Variants in VDAC1 observed in about 807,000 individuals in gnomAD.
VDAC1 encodes non-selective voltage-gated ion channel VDAC1.
Under a neutral mutation model 34.7 loss-of-function variants are expected in VDAC1, and 10 were observed. The observed-to-expected ratio is 0.29, with a 90% CI of 0.18 to 0.49. The LOEUF (loss-of-function observed/expected upper bound fraction) is 0.49, where lower values mean the gene tolerates loss of function less well. Among genes scored for constraint, VDAC1 ranks in the 20% least tolerant of loss-of-function variants. VDAC1 has a pLI of 0.99. For synonymous variants in VDAC1, 130 were observed against 136.0 expected, an observed-to-expected ratio of 0.96 and a Z score of 0.30; for missense variants, 230 against 347.9, an observed-to-expected ratio of 0.66 and a Z score of 2.69.
At chr5:134,078,932 T>C in the VDAC1 span, among the ~76,000 whole-genome samples, 2 of 151,832 alleles carry the variant, frequency 1.3e-5, no homozygotes, top group Non-Finnish European at 2.9e-5. Context: ...ATTACAGGCG[T>C]GAGCCACTGT....
At chr5:134,083,717 G>T in the VDAC1 span, among the ~76,000 whole-genome samples, 135 of 152,330 alleles carry the variant, frequency 8.9e-4, no homozygotes, top group Non-Finnish European at 1.4e-3. Context: ...GCAACTATGT[G>T]CCAGGCTAGG....
chr5:133,990,564 C>A (rs560200537), intron 5 of VDAC1, among the ~76,000 whole-genome samples: 5 of 152,316 alleles, frequency 3.3e-5, no homozygotes, highest in African/African-American at 1.2e-4. Context: ...ATGGCCTGGG[C>A]ACCCTTAGAT....
intron 7 of VDAC1, among the ~76,000 whole-genome samples, chr5:133,974,950 G>A (rs1177875785): frequency 8.4e-6 from 1 of 119,286 alleles, no homozygotes; most frequent in Non-Finnish European, 1.8e-5. Context: ...GGGAGACTCC[G>A]TCTCAAAAAA....
At chr5:134,059,637 T>A in the VDAC1 span, among the ~76,000 whole-genome samples, 1 of 152,084 alleles carries the variant, frequency 6.6e-6, no homozygotes, top group Admixed American at 6.6e-5. Flanking sequence ...TTGGGCATCC[T>A]TGTCCATGAC....
the VDAC1 span, among the ~76,000 whole-genome samples, chr5:134,036,055 G>A: frequency 6.6e-5 from 10 of 150,716 alleles, no homozygotes; most frequent in African/African-American, 2.4e-4. Context: ...TACAGGAATT[G>A]TTGCAGGCAG....
chr5:133,974,407 T>C (rs534509208), intron 7 of VDAC1, among the ~76,000 whole-genome samples: 30 of 152,284 alleles, frequency 2.0e-4, no homozygotes, highest in East Asian at 3.9e-4. Flanking sequence ...CAACTGACTA[T>C]TGATTTCTTA....
In VDAC1 at chr5:133,980,944, A is replaced by T. The variant is rs1222501119; in HGVS notation, c.336T>A (p.Ala112=). 2 of 1,613,830 alleles carry T rather than the reference A, an allele frequency of 1.2e-6. No individual in the cohort carries two copies. Among genetic ancestry groups the T allele is most frequent in the African/African-American group, 2.7e-5 (2 of 74,928 alleles). ...SFSPNTGKKN[A]KIKTGYKREH... ...CCCGCTTGTACCCTGTCTTGATTTT[A>T]GCATTTTTTTTCCTGAAGGAAAATA... is the stretch of plus-strand genomic sequence containing the variant. Residue 112 remains alanine, a synonymous_variant, in exon 6 of 9, where the codon GCT becomes GCA. Transcript: ENST00000265333.
At chr5:133,993,549 A>T (rs1753184463) in intron 1 of VDAC1, among the ~76,000 whole-genome samples, 1 of 152,234 alleles carries the variant, frequency 6.6e-6, no homozygotes, top group African/African-American at 2.4e-5. Context: ...GGATGGGCCC[A>T]ACTTTTCACA....
chr5:134,069,456 G>A, the VDAC1 span, among the ~76,000 whole-genome samples: 4 of 152,160 alleles, frequency 2.6e-5, no homozygotes, highest in Admixed American at 2.6e-4. Flanking sequence ...GAGGTGAGGG[G>A]TCTCTCCCAT....
chr5:133,973,697 T>C (rs1752380096), intron 8 of VDAC1, 94 bp downstream of exon 8: 9 of 1,171,916 alleles, frequency 7.7e-6, no homozygotes, highest in Non-Finnish European at 1.1e-5. Flanking sequence ...CACTGTATTA[T>C]ATAAACATTT....
At chr5:134,100,904 C>T in the VDAC1 span, among the ~76,000 whole-genome samples, 2 of 152,262 alleles carry the variant, frequency 1.3e-5, no homozygotes, top group Admixed American at 6.5e-5. Context: ...AGGGGCAGAG[C>T]TGGAACTGGA....
intron 1 of VDAC1, among the ~76,000 whole-genome samples, chr5:133,999,131 T>G (rs576254812): frequency 2.6e-5 from 4 of 152,326 alleles, no homozygotes; most frequent in Admixed American, 2.0e-4. Flanking sequence ...GGCAATACAG[T>G]GAGACCCTGT....
intron 5 of VDAC1, chr5:133,989,260 AAGG>A (rs1284124343): frequency 7.0e-6 from 1 of 143,880 alleles, no homozygotes; most frequent in Non-Finnish European, 1.5e-5. Context: ...GAAAGGAAAA[AAGG>A]AAGAAAGAAA....
chr5:133,980,152 C>A (rs1386253218), intron 6 of VDAC1, among the ~76,000 whole-genome samples: 1 of 152,184 alleles, frequency 6.6e-6, no homozygotes, highest in Non-Finnish European at 1.5e-5. Flanking sequence ...AAACAAGATT[C>A]ATGAATGAAA....
At chr5:133,991,262 TG>T in intron 3 of VDAC1, 108 bp from the exon 4 acceptor site, 8 of 1,408,090 alleles carry the variant, frequency 5.7e-6, no homozygotes, top group East Asian at 2.3e-5. Flanking sequence ...ACCCTGAATG[TG>T]GGGGGGCCAA....
the VDAC1 span, among the ~76,000 whole-genome samples, chr5:134,104,958 G>A: frequency 2.9e-4 from 44 of 152,262 alleles, no homozygotes; most frequent in Non-Finnish European, 5.6e-4. Flanking sequence ...ACTGTCTCCC[G>A]TAAACAGCAT....
At chr5:134,036,060 A>G in the VDAC1 span, among the ~76,000 whole-genome samples, 5 of 152,108 alleles carry the variant, frequency 3.3e-5, no homozygotes, top group Admixed American at 6.6e-5. Flanking sequence ...GAATTGTTGC[A>G]GGCAGGAATC....
the VDAC1 span, among the ~76,000 whole-genome samples, chr5:134,051,509 T>C: frequency 6.6e-6 from 1 of 152,316 alleles, no homozygotes; most frequent in African/African-American, 2.4e-5. Flanking sequence ...TGATCATTTG[T>C]GAGAACCTTG....
the VDAC1 span, among the ~76,000 whole-genome samples, chr5:134,020,814 T>C: frequency 5.3e-5 from 8 of 151,822 alleles, no homozygotes; most frequent in African/African-American, 1.9e-4. Flanking sequence ...GTAGCTGGGA[T>C]TACAGGCGCC....
Sources: gnomAD v4.1 joint callset for allele counts (sites outside exome capture counted in the v4.1 genomes callset) on GRCh38, gnomAD v4.1.1 for gene constraint, MANE v1.5 for transcripts, NCBI Gene and HGNC (gene_info 2026-07-23, HGNC 2026-07-21) for gene names.